The following MIS18A variants were observed in gnomAD, a reference collection of about 807,000 sequenced individuals.
MIS18A encodes protein Mis18-alpha.
A neutral mutation model predicts 25.0 loss-of-function variants in MIS18A; 14 were observed. The ratio of observed to expected loss-of-function variants is 0.56; its 90% CI spans 0.37 to 0.88. The LOEUF (loss-of-function observed/expected upper bound fraction) is 0.88. Ranked by LOEUF, MIS18A falls within the 40% of genes least tolerant of loss-of-function variation. The pLI is 0.00. For synonymous variants in MIS18A, 134 were observed against 118.6 expected (o/e 1.13, Z -0.84); for missense variants, 292 against 290.8 (o/e 1.00, Z -0.03).
Position 32,269,888 on chromosome 21 carries a change from G to A in MIS18A, c.525-85C>T, listed in dbSNP as rs979105075. Reference sequence around the variant, plus strand: ...GCTATTCAGGAGGCTGAGACAGAAGGATCATCTGAGGCTAGGAGTTTGAAA... The same window carrying A: ...GCTATTCAGGAGGCTGAGACAGAAGAATCATCTGAGGCTAGGAGTTTGAAA... On this transcript the variant is annotated intron_variant, in intron 3 of 4. Transcript: ENST00000290130. 30 of 833,912 alleles carry A rather than the reference G, an allele frequency of 3.6e-5. No homozygotes were observed. The African/African-American group carries it at 4.1e-4, about 11-fold the overall frequency. The allele number at this position is 833,912 out of a possible 1,614,324, so 51.7% of individuals were successfully genotyped here.
chr21:32,270,332 T>C, intron 3 of MIS18A, 75 bp downstream of exon 3: 2 of 1,541,912 alleles, frequency 1.3e-6, no homozygotes, highest in East Asian at 4.6e-5. Flanking sequence ...ACAGTATTGA[T>C]TTAGTTCTGA....
At chr21:32,222,934 CAAAAAAAAAA>C in the MIS18A span, among the ~76,000 whole-genome samples, 1 of 65,914 alleles carries the variant, frequency 1.5e-5, no homozygotes, top group Non-Finnish European at 3.4e-5. Flanking sequence ...GACTCCGTCT[CAAAAAAAAAA>C]AAAAAAAAAA....
At chr21:32,218,894 G>A in the MIS18A span, among the ~76,000 whole-genome samples, 9 of 151,894 alleles carry the variant, frequency 5.9e-5, no homozygotes, top group East Asian at 1.9e-4. Context: ...GTGAAACCCC[G>A]TCTCTATTAA....
chr21:32,214,691 G>A, the MIS18A span, among the ~76,000 whole-genome samples: 4 of 152,192 alleles, frequency 2.6e-5, no homozygotes, highest in African/African-American at 4.8e-5. Flanking sequence ...AGTCCAGATT[G>A]GAAAACAAGG....
At chr21:32,155,388 G>A in the MIS18A span, among the ~76,000 whole-genome samples, 8,430 of 152,166 alleles carry the variant, frequency 0.055, 582 homozygotes, top group African/African-American at 0.15. Flanking sequence ...TATAGCTCTG[G>A]CAGCAAAGCA....
At chr21:32,270,694 TAA>T in intron 2 of MIS18A, 165 bp from the exon 3 acceptor site, 1 of 664,236 alleles carries the variant, frequency 1.5e-6, no homozygotes, top group Non-Finnish European at 2.1e-6. Context: ...ATATTTACAA[TAA>T]AAATGTAAAG....
the MIS18A span, chr21:32,260,083 G>GTTTTTTTTTTTTTTT: frequency 3.0e-4 from 21 of 69,864 alleles, 1 homozygote; most frequent in African/African-American, 1.0e-3. Context: ...ATTTTTCTCA[G>GTTTTTTTTTTTTTTT]CTTTTTTTTT....
At chr21:32,166,844 T>C in the MIS18A span, among the ~76,000 whole-genome samples, 2 of 152,168 alleles carry the variant, frequency 1.3e-5, no homozygotes, top group East Asian at 1.9e-4. Context: ...GAAGAGAATA[T>C]GGAAGGGAGA....
intron 2 of MIS18A, among the ~76,000 whole-genome samples, chr21:32,274,197 C>CTTTTTTTT (rs1184186125): frequency 9.1e-4 from 66 of 72,786 alleles, no homozygotes; most frequent in Non-Finnish European, 1.2e-3. Context: ...TCCTTTTCTT[C>CTTTTTTTT]TTTTTTTTTT....
chr21:32,244,585 A>C, the MIS18A span, among the ~76,000 whole-genome samples: 1 of 152,060 alleles, frequency 6.6e-6, no homozygotes, highest in African/African-American at 2.4e-5. Flanking sequence ...AAAAATCAAA[A>C]AAGTAGCCAG....
At chr21:32,216,902 G>A in the MIS18A span, among the ~76,000 whole-genome samples, 3 of 152,164 alleles carry the variant, frequency 2.0e-5, no homozygotes, top group South Asian at 2.1e-4. Flanking sequence ...AGAGCCTTCA[G>A]GGGCCACCTA....
At chr21:32,171,653 A>G in the MIS18A span, among the ~76,000 whole-genome samples, 6 of 152,072 alleles carry the variant, frequency 3.9e-5, no homozygotes, top group African/African-American at 7.2e-5. Flanking sequence ...CAATTTTAAT[A>G]CAATTATAAG....
chr21:32,258,351 C>CG, the MIS18A span, among the ~76,000 whole-genome samples: 1 of 151,992 alleles, frequency 6.6e-6, no homozygotes, highest in African/African-American at 2.4e-5. Flanking sequence ...GCATCGGGGA[C>CG]GGGGGGCCTT....
chr21:32,180,695 G>A, the MIS18A span, among the ~76,000 whole-genome samples: 1 of 152,164 alleles, frequency 6.6e-6, no homozygotes, highest in Non-Finnish European at 1.5e-5. Flanking sequence ...AGCATATGGT[G>A]GAATCCTGGT....
the MIS18A span, among the ~76,000 whole-genome samples, chr21:32,158,471 A>AT: frequency 4.8e-4 from 69 of 144,660 alleles, no homozygotes; most frequent in Non-Finnish European, 4.9e-4. Context: ...GATTATTATG[A>AT]TTTTTTTTTT....
At chr21:32,179,797 G>A in the MIS18A span, among the ~76,000 whole-genome samples, 1 of 152,222 alleles carries the variant, frequency 6.6e-6, no homozygotes, top group Non-Finnish European at 1.5e-5. Context: ...ACTCACTAAG[G>A]AATGTGGGAT....
the MIS18A span, among the ~76,000 whole-genome samples, chr21:32,242,062 A>G: frequency 6.6e-6 from 1 of 152,200 alleles, no homozygotes; most frequent in Non-Finnish European, 1.5e-5. Context: ...GTGTGTTTTT[A>G]GTAGAGACGG....
chr21:32,276,256 C>A (rs528960577), intron 1 of MIS18A, among the ~76,000 whole-genome samples: 24 of 151,666 alleles, frequency 1.6e-4, no homozygotes, highest in African/African-American at 5.6e-4. Flanking sequence ...GTCAGGAGAT[C>A]GAGACCATCC....
the MIS18A span, among the ~76,000 whole-genome samples, chr21:32,251,391 C>G: frequency 0.058 from 8,834 of 152,170 alleles, 338 homozygotes; most frequent in Middle Eastern, 0.12. Context: ...CCTCCCAGCT[C>G]TCTATCTCTG....
Sources: gnomAD v4.1 joint callset for allele counts (sites outside exome capture counted in the v4.1 genomes callset) on GRCh38, gnomAD v4.1.1 for gene constraint, MANE v1.5 for transcripts, NCBI Gene and HGNC (gene_info 2026-07-23, HGNC 2026-07-21) for gene names.